The following PRSS55 variants were observed in gnomAD, a reference collection of about 807,000 sequenced individuals.
The protein encoded by PRSS55 is probable serine protease UNQ9391/PRO34284.
Under a neutral mutation model 23.6 loss-of-function variants are expected in PRSS55, and 41 were observed. The observed-to-expected ratio is 1.74, with a 90% CI of 1.35 to 2.26. The LOEUF (loss-of-function observed/expected upper bound fraction) is 2.26. PRSS55 is among the 30% of genes most tolerant of loss of function. PRSS55 has a pLI of 0.00. For missense variants in PRSS55, 669 were observed against 439.1 expected (o/e 1.52, Z -4.68); for synonymous variants, 262 against 175.5 (o/e 1.49, Z -3.90).
At chr8:10,548,379 G>C (rs945109709) in intron 4 of PRSS55, among the ~76,000 whole-genome samples, 1 of 152,136 alleles carries the variant, frequency 6.6e-6, no homozygotes, top group Non-Finnish European at 1.5e-5. Context: ...GGTTCCCTGA[G>C]AGCTGGCTGG....
chr8:10,548,911 C>T (rs1289162008), intron 4 of PRSS55, among the ~76,000 whole-genome samples: 3 of 151,986 alleles, frequency 2.0e-5, no homozygotes, highest in Non-Finnish European at 4.4e-5. Context: ...AGATCAAAGT[C>T]AAAAGCAGGG....
Position 10,532,977 on chromosome 8 carries a change from A to C in PRSS55, c.670A>C (p.Lys224Gln), listed in dbSNP as rs749397748. The change falls in exon 4 of 5, where the codon AAG becomes CAG. Residue 224 changes from lysine (K) to glutamine (Q), a missense_variant. Transcript: ENST00000328655. ...MVIMDWEECS[K>Q]MFPKLTKNML... ...CATCATGGACTGGGAGGAGTGTTCA[A>C]AGATGTTTCCAAAACTTACCAAAAA... 3 of 1,614,228 alleles carry C rather than the reference A, an allele frequency of 1.9e-6. No individual in the cohort carries two copies. In the South Asian group the frequency reaches 3.3e-5, roughly 18 times the overall value.
intron 4 of PRSS55, among the ~76,000 whole-genome samples, chr8:10,544,087 G>A (rs1055797062): frequency 2.0e-5 from 3 of 152,056 alleles, no homozygotes; most frequent in African/African-American, 7.2e-5. Flanking sequence ...TTAATCTTCT[G>A]TATAGTTGTT....
intron 4 of PRSS55, among the ~76,000 whole-genome samples, chr8:10,534,972 C>T (rs1426210812): frequency 3.9e-5 from 6 of 152,034 alleles, no homozygotes; most frequent in South Asian, 2.1e-4. Context: ...TCACAATATC[C>T]GCCAAAAGAA....
chr8:10,543,679 CA>C (rs933939255), downstream of PRSS55, among the ~76,000 whole-genome samples: 2 of 150,760 alleles, frequency 1.3e-5, no homozygotes, highest in Non-Finnish European at 2.9e-5. Context: ...TACAGCTAGA[CA>C]TTTCCATCTC....
chr8:10,534,694 T>C (rs1394440257), intron 4 of PRSS55, among the ~76,000 whole-genome samples: 1 of 152,136 alleles, frequency 6.6e-6, no homozygotes. Flanking sequence ...CTATTCAACA[T>C]AGTACTAGAA....
At chr8:10,551,455 C>T (rs1812948704) in intron 4 of PRSS55, among the ~76,000 whole-genome samples, 2 of 152,150 alleles carry the variant, frequency 1.3e-5, no homozygotes, top group African/African-American at 2.4e-5. Flanking sequence ...CTGGTGGGGA[C>T]GGCAGGGTAA....
At chr8:10,539,912 C>A (rs10113379), downstream of PRSS55, among the ~76,000 whole-genome samples, 1,931 of 152,346 alleles carry the variant, frequency 0.013, 45 homozygotes, top group African/African-American at 0.044. Flanking sequence ...CTACCTTGGG[C>A]CTTCTCTCTT....
At chr8:10,537,256 G>C (rs1032789406) in intron 4 of PRSS55, among the ~76,000 whole-genome samples, 2 of 152,074 alleles carry the variant, frequency 1.3e-5, no homozygotes, top group Non-Finnish European at 2.9e-5. Context: ...AATTGATAAA[G>C]AAAATTAGGC....
chr8:10,545,076 C>T (rs1812782817), intron 4 of PRSS55: 1 of 939,018 alleles, frequency 1.1e-6, no homozygotes, highest in Admixed American at 6.2e-5. Context: ...AAGACCAGGG[C>T]TTTTGGTTTT....
At chr8:10,531,713 G>A in intron 3 of PRSS55, 168 bp downstream of exon 3, 1 of 870,260 alleles carries the variant, frequency 1.1e-6, no homozygotes, top group Non-Finnish European at 1.7e-6. Flanking sequence ...AAACCCCAAG[G>A]TGAGACACCA....
downstream of PRSS55, among the ~76,000 whole-genome samples, chr8:10,541,711 G>A (rs551812669): frequency 6.6e-6 from 1 of 152,286 alleles, no homozygotes; most frequent in South Asian, 2.1e-4. Flanking sequence ...AAGAGCTTCT[G>A]TACTGTGAAG....
chr8:10,526,236 C>T (rs1812018050), intron 1 of PRSS55, among the ~76,000 whole-genome samples: 2 of 152,206 alleles, frequency 1.3e-5, no homozygotes, highest in Admixed American at 6.5e-5. Flanking sequence ...AGGGGTCGAG[C>T]ATTTCCCCAT....
chr8:10,538,087 A>G (rs887436995), intron 4 of PRSS55, among the ~76,000 whole-genome samples: 1 of 152,162 alleles, frequency 6.6e-6, no homozygotes, highest in Non-Finnish European at 1.5e-5. Context: ...AACACTTCAC[A>G]TGTCCCATTC....
At chr8:10,532,790 G>C in intron 3 of PRSS55, 116 bp from the exon 4 acceptor site, 1 of 1,324,972 alleles carries the variant, frequency 7.5e-7, no homozygotes, top group Non-Finnish European at 1.0e-6. Context: ...TGCAGAGCCT[G>C]TGAAGGAAGG....
intron 1 of PRSS55, 108 bp from the exon 2 acceptor site, chr8:10,529,399 T>G: frequency 3.6e-6 from 4 of 1,105,390 alleles, no homozygotes; most frequent in Non-Finnish European, 5.5e-6. Flanking sequence ...AGAATGGGGA[T>G]GAGGATATCC....
At chr8:10,539,067 G>C (rs547875569), downstream of PRSS55, among the ~76,000 whole-genome samples, 4 of 149,078 alleles carry the variant, frequency 2.7e-5, no homozygotes, top group Admixed American at 2.7e-4. Context: ...AAAAAAAAAA[G>C]CCAACAAACA....
intron 1 of PRSS55, 84 bp downstream of exon 1, chr8:10,525,823 G>C: frequency 7.0e-7 from 1 of 1,425,000 alleles, no homozygotes; most frequent in South Asian, 1.4e-5. Flanking sequence ...CAGAGCACAA[G>C]GCCAGAGCTC....
intron 4 of PRSS55, among the ~76,000 whole-genome samples, chr8:10,538,073 C>T (rs761951750): frequency 7.2e-5 from 11 of 152,202 alleles, no homozygotes; most frequent in Non-Finnish European, 1.0e-4. Context: ...GTTCTTAGCC[C>T]TGCAACACTT....
Sources: gnomAD v4.1 joint callset for allele counts (sites outside exome capture counted in the v4.1 genomes callset) on GRCh38, gnomAD v4.1.1 for gene constraint, MANE v1.5 for transcripts, NCBI Gene and HGNC (gene_info 2026-07-23, HGNC 2026-07-21) for gene names.